The following NRXN3 variants were observed in gnomAD, a reference collection of about 807,000 sequenced individuals.
NRXN3 encodes the protein neurexin 3, also known as neurexin III.
NRXN3 carries 32 observed loss-of-function variants against 137.6 expected under a neutral mutation model. That is an observed-to-expected ratio of 0.23 (90% CI 0.18 to 0.31). The LOEUF (loss-of-function observed/expected upper bound fraction) is 0.31. Ranked by LOEUF, NRXN3 falls within the 10% of genes least tolerant of loss-of-function variation. The pLI is 1.00. For synonymous variants in NRXN3, 798 were observed against 784.5 expected (o/e 1.02, Z -0.29); for missense variants, 1,574 against 2,062.5 (o/e 0.76, Z 4.59).
intron 16 of NRXN3, among the ~76,000 whole-genome samples, chr14:79,660,695 C>G (rs1210214743): frequency 6.6e-6 from 1 of 152,152 alleles, no homozygotes; most frequent in Non-Finnish European, 1.5e-5. Flanking sequence ...CCATGCTTCC[C>G]CTAAAACTGT....
chr14:79,472,717 C>T (rs190494098), intron 16 of NRXN3, among the ~76,000 whole-genome samples: 48 of 152,232 alleles, frequency 3.2e-4, no homozygotes, highest in African/African-American at 8.4e-4. Flanking sequence ...TTGCGAGTGA[C>T]ATCTGCCTAT....
intron 15 of NRXN3, among the ~76,000 whole-genome samples, chr14:79,434,710 C>T (rs2095816234): frequency 6.6e-6 from 1 of 152,150 alleles, no homozygotes; most frequent in Non-Finnish European, 1.5e-5. Flanking sequence ...GGAGGGTCCC[C>T]TGTGAAACAG....
intron 10 of NRXN3, among the ~76,000 whole-genome samples, chr14:78,882,473 C>G (rs1443761103): frequency 1.3e-5 from 2 of 151,808 alleles, no homozygotes; most frequent in Non-Finnish European, 2.9e-5. Flanking sequence ...CCTCTTGCAT[C>G]AGCATGCCCT....
At chr14:78,319,928 C>T (rs1411033715) in intron 4 of NRXN3, among the ~76,000 whole-genome samples, 1 of 152,144 alleles carries the variant, frequency 6.6e-6, no homozygotes, top group Non-Finnish European at 1.5e-5. Flanking sequence ...CTGGTGGACT[C>T]CTTTGTTTTA....
chr14:79,411,084 T>A (rs557589892), intron 15 of NRXN3, among the ~76,000 whole-genome samples: 6 of 152,204 alleles, frequency 3.9e-5, no homozygotes, highest in African/African-American at 1.4e-4. Context: ...TTGCATAAGG[T>A]AATTTTGTCC....
chr14:79,491,312 G>C (rs898823159), intron 16 of NRXN3, among the ~76,000 whole-genome samples: 1 of 152,084 alleles, frequency 6.6e-6, no homozygotes, highest in African/African-American at 2.4e-5. Flanking sequence ...TCTGCTCAGT[G>C]AATTACTCAG....
chr14:78,373,821 A>G (rs905988910), intron 4 of NRXN3, among the ~76,000 whole-genome samples: 2 of 152,206 alleles, frequency 1.3e-5, no homozygotes, highest in African/African-American at 2.4e-5. Context: ...TCACCCACAT[A>G]TACTGTATTA....
intron 15 of NRXN3, among the ~76,000 whole-genome samples, chr14:79,260,229 TA>T (rs1276534414): frequency 8.5e-5 from 13 of 152,208 alleles, no homozygotes; most frequent in Admixed American, 8.5e-4. Flanking sequence ...TCCATATCTA[TA>T]AATTATATTT....
chr14:79,089,051 G>A (rs1248015931), intron 15 of NRXN3, among the ~76,000 whole-genome samples: 2 of 152,064 alleles, frequency 1.3e-5, no homozygotes, highest in Non-Finnish European at 2.9e-5. Flanking sequence ...GTTGGTAGCA[G>A]GAAGCGGCAG....
intron 4 of NRXN3, among the ~76,000 whole-genome samples, chr14:78,551,808 C>T (rs537096383): frequency 1.3e-5 from 2 of 152,016 alleles, no homozygotes; most frequent in Non-Finnish European, 2.9e-5. Flanking sequence ...CTGGAGTTCT[C>T]CCTTTTTACT....
intron 10 of NRXN3, among the ~76,000 whole-genome samples, chr14:78,857,466 T>C (rs2099060706): frequency 6.6e-6 from 1 of 152,174 alleles, no homozygotes; most frequent in Non-Finnish European, 1.5e-5. Context: ...GTCCAAACTC[T>C]GTAATTACCT....
At chr14:78,246,939 A>AG (rs2067779585) in intron 2 of NRXN3, among the ~76,000 whole-genome samples, 1 of 152,242 alleles carries the variant, frequency 6.6e-6, no homozygotes, top group Non-Finnish European at 1.5e-5. Flanking sequence ...ATGTGCACCA[A>AG]GCACCTCTTG....
chr14:79,318,762 AT>A (rs774636201), intron 15 of NRXN3, among the ~76,000 whole-genome samples: 25 of 152,058 alleles, frequency 1.6e-4, no homozygotes, highest in Admixed American at 4.6e-4. Flanking sequence ...GCATTATCGG[AT>A]TTCTATCACT....
At chr14:79,668,037 G>T (rs946023846) in intron 17 of NRXN3, among the ~76,000 whole-genome samples, 4 of 151,912 alleles carry the variant, frequency 2.6e-5, no homozygotes, top group African/African-American at 4.8e-5. Flanking sequence ...TATGTCAGGG[G>T]GTGCTGAGGA....
At chr14:78,798,794 C>G (rs2098830189) in intron 8 of NRXN3, among the ~76,000 whole-genome samples, 1 of 152,260 alleles carries the variant, frequency 6.6e-6, no homozygotes, top group South Asian at 2.1e-4. Flanking sequence ...CCCACATGCT[C>G]AATATCACAT....
chr14:78,973,554 A>C (rs2099451969), intron 14 of NRXN3, among the ~76,000 whole-genome samples: 2 of 152,182 alleles, frequency 1.3e-5, no homozygotes, highest in Admixed American at 6.5e-5. Flanking sequence ...GATCGCAGGA[A>C]AAAAGTACTC....
At chr14:79,762,191 A>G (rs1199881898) in intron 19 of NRXN3, among the ~76,000 whole-genome samples, 2 of 151,770 alleles carry the variant, frequency 1.3e-5, no homozygotes. Context: ...TTCATAAAAC[A>G]GTATTAGAAA....
chr14:79,479,874 T>C (rs1023850148), intron 16 of NRXN3, among the ~76,000 whole-genome samples: 1 of 152,132 alleles, frequency 6.6e-6, no homozygotes, highest in Non-Finnish European at 1.5e-5. Flanking sequence ...AGAGGTAACT[T>C]TAGTTCCCAA....
chr14:79,354,985 G>A (rs1328650285), intron 15 of NRXN3, among the ~76,000 whole-genome samples: 1 of 152,124 alleles, frequency 6.6e-6, no homozygotes, highest in African/African-American at 2.4e-5. Context: ...ATGATAATTC[G>A]ACTTGCGGAG....
Sources: allele counts gnomAD v4.1 joint callset (sites outside exome capture counted in the v4.1 genomes callset), GRCh38; gene constraint gnomAD v4.1.1; transcripts MANE v1.5; gene names NCBI Gene and HGNC (gene_info 2026-07-23, HGNC 2026-07-21).